Variants in OR9I1 observed in about 807,000 individuals in gnomAD.
OR9I1 encodes olfactory receptor 9I1.
Under a neutral mutation model 11.2 loss-of-function variants are expected in OR9I1, and 7 were observed. That is an observed-to-expected ratio of 0.62 (90% CI 0.36 to 1.17). The LOEUF (loss-of-function observed/expected upper bound fraction) is 1.17, where lower values mean the gene tolerates loss of function less well. Among genes scored for constraint, OR9I1 ranks in the 50% most tolerant of loss-of-function variants. The probability of loss-of-function intolerance (pLI) is 0.02; values close to 1 mark genes in which losing one functional copy is unlikely to be tolerated. For missense variants in OR9I1, 428 were observed against 377.2 expected, an observed-to-expected ratio of 1.13 and a Z score of -1.12; for synonymous variants, 165 against 153.4, an observed-to-expected ratio of 1.08 and a Z score of -0.56.
Position 58,118,566 on chromosome 11 carries a change from T to A in OR9I1, c.879A>T (p.Arg293Ser), listed in dbSNP as rs780727983. The change falls in exon 3 of 3, where the codon AGA becomes AGT. Residue 293 changes from arginine to serine, a missense_variant. Arg to Ser is a moderately radical substitution (Grantham distance 110). Coordinates refer to ENST00000641439, the MANE Select transcript of OR9I1 (RefSeq NM_001005211.2). ...TGAAGGCGTCTTTTACATCTTTGTT[T>A]CTTAAGCTGTAGATCAGAGGGTTCA... ...PMLNPLIYSL[R>S]NKDVKDAFRK... 9.9e-6 allele frequency: 16 copies of A among 1,613,942 alleles called. No homozygotes were observed. In the South Asian group the frequency reaches 1.8e-4, roughly 18 times the overall value.
At position 58,125,361 on chromosome 11, in the gene OR9I1, C is replaced by G. The variant is rs142639782; in HGVS notation, c.-312G>C. 6.6e-6 allele frequency: 1 copy of G among 151,758 alleles called. No individual in the cohort carries two copies. Among genetic ancestry groups the G allele is most frequent in the Non-Finnish European group, 1.5e-5 (1 of 68,004 alleles). 9.4% of individuals were successfully genotyped at this position (151,758 alleles called of 1,614,324 possible). A position where few individuals can be genotyped will look rare whatever the true frequency, so the allele number is the denominator to read the frequency against. On this transcript the variant is annotated 5_prime_UTR_variant, in exon 1 of 3. Transcript: ENST00000641439. Reference sequence around the variant, plus strand: ...CTGATGACAAAGGCAAGATTCTCTGCCCAGTTACACCTTCTCTAGTTTGTG... The same window carrying G: ...CTGATGACAAAGGCAAGATTCTCTGGCCAGTTACACCTTCTCTAGTTTGTG...
chr11:58,124,109 G>A (rs118104423), intron 2 of OR9I1, among the ~76,000 whole-genome samples: 440 of 152,194 alleles, frequency 2.9e-3, no homozygotes, highest in Middle Eastern at 6.8e-3. Flanking sequence ...AAAATTTTAG[G>A]AGCAGACTGG....
chr11:58,122,962 G>GT (rs57528065), intron 2 of OR9I1, among the ~76,000 whole-genome samples: 40,004 of 144,792 alleles, frequency 0.28, 5,633 homozygotes, highest in Middle Eastern at 0.42. Flanking sequence ...GGTAAATTTT[G>GT]TTTTTTTTTT....
Position 58,118,876 on chromosome 11 carries a change from C to A in OR9I1, c.569G>T (p.Ser190Ile), listed in dbSNP as rs759624892. 2 of 1,614,020 alleles carry A rather than the reference C, an allele frequency of 1.2e-6. No homozygotes were observed. The highest frequency in any genetic ancestry group is 1.7e-6 in the Non-Finnish European group (2 of 1,179,974). Residue 190 changes from serine to isoleucine, a missense_variant, in exon 3 of 3, where the codon AGT becomes ATT. By Grantham distance (142) the Ser-to-Ile change is moderately radical (BLOSUM62 -2). Transcript: ENST00000641439. ...DLPPLLKLAC[S>I]DTANIEIVII... Reference sequence around the variant, plus strand: ...GACAATCTCGATGTTTGCTGTGTCACTGCAGGCAAGCTTCAGCAGGGGTGG... The same window carrying A: ...GACAATCTCGATGTTTGCTGTGTCAATGCAGGCAAGCTTCAGCAGGGGTGG...
rs192766597 is a variant in OR9I1 at position 58,118,371 on chromosome 11, T to C, written c.*129A>G. On this transcript the variant is annotated 3_prime_UTR_variant, in exon 3 of 3. Transcript: ENST00000641439. ...TTCACCACAATTGTAGTTTTTCCTG[T>C]GTGCCTGGTGGTACCTATCTTCTGT... 9.7e-5 allele frequency: 62 copies of C among 642,082 alleles called. No individual in the cohort carries two copies. In the African/African-American group the frequency reaches 1.0e-3, roughly 11 times the overall value. 39.8% of individuals were successfully genotyped at this position (642,082 alleles called of 1,614,324 possible). A position where few individuals can be genotyped will look rare whatever the true frequency, so the allele number is the denominator to read the frequency against.
At position 58,118,457 on chromosome 11, in the gene OR9I1, TG is replaced by T; in HGVS notation, c.*42del. 1 of 1,296,798 alleles carries T rather than the reference TG, an allele frequency of 7.7e-7. No homozygotes were observed. The highest frequency in any genetic ancestry group is 1.1e-6 in the Non-Finnish European group (1 of 929,168). The allele number at this position is 1,296,798 out of a possible 1,614,324, so 80.3% of individuals were successfully genotyped here. On this transcript the variant is annotated 3_prime_UTR_variant, in exon 3 of 3. Transcript: ENST00000641439. ...TGGTGCCTATTAGGATATATTCATA[TG>T]GGAAGAAAGTGGACTAAAACAAGAA...
rs1466244004 is a variant in OR9I1, at chr11:58,119,496, TC to T, written c.-22-31del. 4 of 1,212,516 alleles carry T rather than the reference TC, an allele frequency of 3.3e-6. No individual in the cohort carries two copies. In the Admixed American group the frequency reaches 8.9e-5, roughly 27 times the overall value. The allele number at this position is 1,212,516 out of a possible 1,614,324, so 75.1% of individuals were successfully genotyped here. Reference sequence around the variant, plus strand: ...GGATGATAATGAAATAAAAAGAATCTCAGAATTGAAGGACAGAATCTTTCCC... The same window carrying T: ...GGATGATAATGAAATAAAAAGAATCTAGAATTGAAGGACAGAATCTTTCCC... On this transcript the variant is annotated intron_variant, in intron 2 of 2. Transcript: ENST00000641439.
chr11:58,123,445 G>A (rs1854055956), intron 2 of OR9I1, among the ~76,000 whole-genome samples: 1 of 152,116 alleles, frequency 6.6e-6, no homozygotes, highest in African/African-American at 2.4e-5. Flanking sequence ...ATTGTTCAAG[G>A]CTCCTGACCA....
Position 58,117,145 on chromosome 11 carries a change from A to G in OR9I1, c.*1355T>C, listed in dbSNP as rs1279966208. ...TCAGAAAGTGAGGGAAAGGGAAGAG[A>G]AGATAAGAGAGCAATCTATATTGAA... On this transcript the variant is annotated 3_prime_UTR_variant, in exon 3 of 3. Coordinates refer to ENST00000641439, the MANE Select transcript of OR9I1 (RefSeq NM_001005211.2). The G allele has an allele frequency of 6.6e-6, 1 of 152,206 alleles. No individual in the cohort carries two copies. The highest frequency in any genetic ancestry group is 1.9e-4 in the East Asian group (1 of 5,196). 9.4% of individuals were successfully genotyped at this position (152,206 alleles called of 1,614,324 possible).
chr11:58,117,935 C>T lies in OR9I1; in HGVS notation c.*565G>A, dbSNP rs558676431. 2 of 152,424 alleles carry T rather than the reference C, an allele frequency of 1.3e-5. No homozygotes were observed. Among genetic ancestry groups the T allele is most frequent in the African/African-American group, 4.8e-5 (2 of 41,564 alleles). 9.4% of individuals were successfully genotyped at this position (152,424 alleles called of 1,614,324 possible). A position where few individuals can be genotyped will look rare whatever the true frequency, so the allele number is the denominator to read the frequency against. ...GAAGGAAGACACTCTAAGCGGGTGA[C>T]ACAAGTCTCTTCTGAAGAGAGAAGT... On this transcript the variant is annotated 3_prime_UTR_variant, in exon 3 of 3. Coordinates refer to ENST00000641439, the MANE Select transcript of OR9I1 (RefSeq NM_001005211.2).
chr11:58,118,906 T>C lies in OR9I1; in HGVS notation c.539A>G (p.Asp180Gly), dbSNP rs1853991430. Residue 180 changes from aspartate to glycine, a missense_variant, in exon 3 of 3, where the codon GAC becomes GGC. Asp to Gly is a moderately conservative substitution (Grantham distance 94). Coordinates refer to ENST00000641439, the MANE Select transcript of OR9I1 (RefSeq NM_001005211.2). ...GGCAAGCTTCAGCAGGGGTGGGAGG[T>C]CACAGAAGAAGAAGTTTATTTGATT... ...KDNQINFFFC[D>G]LPPLLKLACS... The C allele has an allele frequency of 1.9e-6, 3 of 1,613,314 alleles. No individual in the cohort carries two copies. The highest frequency in any genetic ancestry group is 2.5e-6 in the Non-Finnish European group (3 of 1,179,870).
chr11:58,118,649 T>A lies in OR9I1; in HGVS notation c.796A>T (p.Lys266Ter). Residue 266 changes from lysine (K) to a stop codon, truncating the protein, a stop_gained, in exon 3 of 3, where the codon AAA becomes TAA. Transcript: ENST00000641439. LOFTEE classifies it high-confidence loss of function. ...ACGACTTTGTCTTCCTCCAGAGATT[T>A]GCCTGAGCCACTTTGCAGATACATG... ...IFMYLQSGSG[K>*]SLEEDKVVSV... The A allele has an allele frequency of 6.2e-7, 1 of 1,613,976 alleles. No homozygotes were observed. The highest frequency in any genetic ancestry group is 8.5e-7 in the Non-Finnish European group (1 of 1,179,972).
chr11:58,122,961 T>TG (rs1404705306), intron 2 of OR9I1, among the ~76,000 whole-genome samples: 6 of 139,294 alleles, frequency 4.3e-5, no homozygotes, highest in Non-Finnish European at 8.2e-5. Flanking sequence ...TGGTAAATTT[T>TG]GTTTTTTTTT....
intron 2 of OR9I1, among the ~76,000 whole-genome samples, chr11:58,122,793 A>G (rs938785593): frequency 1.3e-5 from 2 of 152,106 alleles, no homozygotes; most frequent in Non-Finnish European, 2.9e-5. Context: ...TTCAAAATAC[A>G]TATCCTTCTA....
chr11:58,124,686 G>A (rs986320508), intron 1 of OR9I1, 47 bp from the exon 2 acceptor site: 4 of 152,118 alleles, frequency 2.6e-5, no homozygotes, highest in Admixed American at 1.3e-4. Context: ...TTACAGATGA[G>A]GAAATGAAGG....
Position 58,119,335 on chromosome 11 carries a change from A to G in OR9I1, c.110T>C (p.Val37Ala). ...LFLVFLSFYL[V>A]TLLGNVGMIM... is the part of the protein sequence containing the mutation. ...CATCCCCACATTCCCAAGAAGGGTG[A>G]CTAGGTAGAAACTCAGAAACACCAG... Residue 37 changes from valine (V) to alanine (A), a missense_variant, in exon 3 of 3, where the codon GTC (valine) becomes GCC (alanine). Physicochemically the swap from Val to Ala is moderately conservative, Grantham distance 64. Transcript: ENST00000641439. The G allele has an allele frequency of 1.2e-6, 2 of 1,613,828 alleles. No homozygotes were observed. Among genetic ancestry groups the G allele is most frequent in the Non-Finnish European group, 1.7e-6 (2 of 1,179,768 alleles).
rs559940291 is a variant in OR9I1, at chr11:58,119,190, C to T, written c.255G>A (p.Leu85=). 5 of 1,613,942 alleles carry T rather than the reference C, an allele frequency of 3.1e-6. No individual in the cohort carries two copies. In the African/African-American group the frequency reaches 4.0e-5, roughly 13 times the overall value. The change falls in exon 3 of 3, where the codon TTG becomes TTA. Residue 85 remains leucine, a synonymous_variant. Transcript: ENST00000641439. The part of the protein sequence containing the change: ...SVITPQILAT[L]ATGKTVISYG... Reference sequence around the variant, plus strand: ...AGGAGATGACCGTTTTGCCTGTGGCCAATGTGGCTAGGATCTGAGGGGTGA... The same window carrying T: ...AGGAGATGACCGTTTTGCCTGTGGCTAATGTGGCTAGGATCTGAGGGGTGA...
Position 58,119,439 on chromosome 11 carries a change from G to C in OR9I1, c.6C>G (p.Ala2=). The C allele has an allele frequency of 6.3e-7, 1 of 1,595,184 alleles. No individual in the cohort carries two copies. The highest frequency in any genetic ancestry group is 8.6e-7 in the Non-Finnish European group (1 of 1,166,934). The part of the protein sequence containing the change: M[A]KNNLTRVTEF... ...CGGTTACTCTGGTGAGATTATTCTT[G>C]GCCATGGAGACAATGTGGACTGTTG... The change falls in exon 3 of 3, where the codon GCC becomes GCG. Residue 2 remains alanine, a synonymous_variant. Coordinates refer to ENST00000641439, the MANE Select transcript of OR9I1 (RefSeq NM_001005211.2).
In OR9I1 at chr11:58,119,197, G is replaced by A; in HGVS notation, c.248C>T (p.Ala83Val). The A allele has an allele frequency of 3.7e-6, 6 of 1,613,996 alleles. No individual in the cohort carries two copies. Among genetic ancestry groups the A allele is most frequent in the Non-Finnish European group, 5.1e-6 (6 of 1,179,966 alleles). The change falls in exon 3 of 3, where the codon GCC becomes GTC. Residue 83 changes from alanine to valine, a missense_variant. By Grantham distance (64) the Ala-to-Val change is moderately conservative. Transcript: ENST00000641439. ...YTSVITPQILATLATGKTVIS... is the reference protein window; with the variant it reads ...YTSVITPQILVTLATGKTVIS... Reference sequence around the variant, plus strand: ...GACCGTTTTGCCTGTGGCCAATGTGGCTAGGATCTGAGGGGTGATGACTGA... The same window carrying A: ...GACCGTTTTGCCTGTGGCCAATGTGACTAGGATCTGAGGGGTGATGACTGA...
Sources: allele counts gnomAD v4.1 joint callset (sites outside exome capture counted in the v4.1 genomes callset), GRCh38; gene constraint gnomAD v4.1.1; transcripts MANE v1.5; gene names NCBI Gene and HGNC (gene_info 2026-07-23, HGNC 2026-07-21).